ADGRB3: variants seen among roughly 807,000 people sequenced by gnomAD.
The protein encoded by ADGRB3 is brain-specific angiogenesis inhibitor 3.
In ADGRB3, 37 loss-of-function variants were observed where a neutral mutation model predicts 193.4. The observed-to-expected ratio is 0.19, with a 90% CI of 0.15 to 0.25. ADGRB3 has a LOEUF of 0.25. Among genes scored for constraint, ADGRB3 ranks in the 10% least tolerant of loss-of-function variants. The pLI is 1.00. For missense variants in ADGRB3, 1,637 were observed against 1,852.9 expected (o/e 0.88, Z 2.14); for synonymous variants, 690 against 644.2 (o/e 1.07, Z -1.08).
intron 17 of ADGRB3, among the ~76,000 whole-genome samples, chr6:69,082,527 T>C (rs1772416314): frequency 6.6e-6 from 1 of 152,130 alleles, no homozygotes; most frequent in Non-Finnish European, 1.5e-5. Flanking sequence ...TCATTAATTC[T>C]CTCTTCAGTT....
At chr6:68,898,764 T>A (rs1486089062) in intron 3 of ADGRB3, among the ~76,000 whole-genome samples, 3 of 152,142 alleles carry the variant, frequency 2.0e-5, no homozygotes, top group African/African-American at 7.2e-5. Context: ...GTACCCTTGA[T>A]GTGATGTGAT....
At chr6:68,762,095 T>G (rs571233835) in intron 3 of ADGRB3, among the ~76,000 whole-genome samples, 1 of 152,298 alleles carries the variant, frequency 6.6e-6, no homozygotes, top group South Asian at 2.1e-4. Flanking sequence ...ACTGAATAAT[T>G]GTACAAATAT....
At chr6:68,836,809 G>A (rs1426383775) in intron 3 of ADGRB3, among the ~76,000 whole-genome samples, 1 of 152,116 alleles carries the variant, frequency 6.6e-6, no homozygotes, top group Non-Finnish European at 1.5e-5. Flanking sequence ...GAGCAACATA[G>A]TGAGACTCCA....
At chr6:68,896,409 A>AT (rs1456503989) in intron 3 of ADGRB3, among the ~76,000 whole-genome samples, 20 of 152,074 alleles carry the variant, frequency 1.3e-4, no homozygotes, top group Admixed American at 7.9e-4. Flanking sequence ...CTCAGTTATT[A>AT]TTTTTTATAG....
chr6:68,723,307 C>G (rs923934365), intron 3 of ADGRB3, among the ~76,000 whole-genome samples: 1 of 151,668 alleles, frequency 6.6e-6, no homozygotes, highest in Non-Finnish European at 1.5e-5. Flanking sequence ...TAACTGGTAT[C>G]TTCTATCTTC....
chr6:69,312,339 C>T (rs955075393), intron 20 of ADGRB3, among the ~76,000 whole-genome samples: 3 of 151,670 alleles, frequency 2.0e-5, no homozygotes, highest in African/African-American at 7.3e-5. Context: ...GGAAGAACTT[C>T]CTTAAGGAGA....
At chr6:69,239,101 G>A (rs752432644) in intron 19 of ADGRB3, 23 bp from the exon 20 acceptor site, 1 of 1,430,514 alleles carries the variant, frequency 7.0e-7, no homozygotes, top group Non-Finnish European at 9.7e-7. Flanking sequence ...TTAAAGTTGG[G>A]TAACTTTTCT....
chr6:68,958,298 A>G lies in ADGRB3; in HGVS notation c.1525+1489A>G, dbSNP rs996359108. On this transcript the variant is annotated intron_variant, in intron 8 of 31. Transcript: ENST00000370598. ...AGCATGCAGGGTTGTTAAGAGGATG[A>G]TACCTATTCAGATTACCACTGTGAA... 4.0e-4 allele frequency among the ~76,000 whole-genome samples: 61 copies of G among 152,352 alleles called. 1 individual carries two copies. Among genetic ancestry groups the G allele is most frequent in the African/African-American group, 1.3e-3 (56 of 41,588 alleles).
At chr6:68,858,609 A>AAC (rs1765059201) in intron 3 of ADGRB3, among the ~76,000 whole-genome samples, 1 of 151,676 alleles carries the variant, frequency 6.6e-6, no homozygotes, top group Non-Finnish European at 1.5e-5. Context: ...AAAAAAAAAA[A>AAC]AACACAGCAT....
chr6:69,328,309 TAGGGTAATGC>T (rs771484493), intron 22 of ADGRB3, among the ~76,000 whole-genome samples: 25 of 152,170 alleles, frequency 1.6e-4, no homozygotes, highest in Non-Finnish European at 1.0e-4. Context: ...CTTGCTATGT[TAGGGTAATGC>T]ATACTAAAAA....
chr6:68,819,133 G>A (rs1767693064), intron 3 of ADGRB3, among the ~76,000 whole-genome samples: 1 of 151,902 alleles, frequency 6.6e-6, no homozygotes, highest in Non-Finnish European at 1.5e-5. Context: ...TGAAAGCAAT[G>A]ATATGCACCT....
At chr6:68,964,054 A>G (rs1252699522) in intron 8 of ADGRB3, among the ~76,000 whole-genome samples, 1 of 152,142 alleles carries the variant, frequency 6.6e-6, no homozygotes, top group Non-Finnish European at 1.5e-5. Context: ...AATGACTCTG[A>G]TGTTAGTGTC....
At chr6:68,825,440 G>T (rs771686558) in intron 3 of ADGRB3, among the ~76,000 whole-genome samples, 4 of 151,886 alleles carry the variant, frequency 2.6e-5, no homozygotes, top group Non-Finnish European at 1.5e-5. Flanking sequence ...CTATATAAGG[G>T]AATGCATACA....
intron 20 of ADGRB3, among the ~76,000 whole-genome samples, chr6:69,245,511 C>T (rs1229017757): frequency 2.0e-5 from 3 of 152,028 alleles, no homozygotes; most frequent in African/African-American, 4.8e-5. Flanking sequence ...TTAAAAATGG[C>T]CCATGCTGAC....
chr6:68,859,734 G>A (rs1765097633), intron 3 of ADGRB3, among the ~76,000 whole-genome samples: 1 of 152,102 alleles, frequency 6.6e-6, no homozygotes, highest in African/African-American at 2.4e-5. Flanking sequence ...TCCCTCCCAT[G>A]ACACATGGGA....
chr6:69,122,100 G>A (rs1009830939), intron 17 of ADGRB3, among the ~76,000 whole-genome samples: 12 of 152,026 alleles, frequency 7.9e-5, no homozygotes, highest in Admixed American at 3.3e-4. Flanking sequence ...CAAGGCAGGC[G>A]GCTGGAAGGT....
intron 22 of ADGRB3, among the ~76,000 whole-genome samples, chr6:69,329,673 AAACTGGTGCATG>A (rs1363470539): frequency 1.1e-4 from 17 of 152,200 alleles, no homozygotes; most frequent in Admixed American, 1.1e-3. Flanking sequence ...AAATGTCAAA[AAACTGGTGCATG>A]AAATGGTGGC....
intron 20 of ADGRB3, among the ~76,000 whole-genome samples, chr6:69,260,607 T>A (rs960968129): frequency 6.6e-6 from 1 of 152,116 alleles, no homozygotes; most frequent in Non-Finnish European, 1.5e-5. Context: ...AATGGAAATA[T>A]GTGGGTATAT....
At chr6:68,653,426 A>G (rs147485376) in intron 3 of ADGRB3, among the ~76,000 whole-genome samples, 11 of 152,190 alleles carry the variant, frequency 7.2e-5, no homozygotes, top group African/African-American at 2.6e-4. Context: ...TGTAATCCAG[A>G]TGTAATAAGG....
Sources: gnomAD v4.1 joint callset for allele counts (sites outside exome capture counted in the v4.1 genomes callset) on GRCh38, gnomAD v4.1.1 for gene constraint, MANE v1.5 for transcripts, NCBI Gene and HGNC (gene_info 2026-07-23, HGNC 2026-07-21) for gene names.